The following SHISA9 variants were observed in gnomAD, a reference collection of about 807,000 sequenced individuals.
SHISA9 encodes shisa family member 9, also known as protein shisa-9.
Under a neutral mutation model 38.0 loss-of-function variants are expected in SHISA9, and 13 were observed. The observed-to-expected ratio is 0.34, with a 90% CI of 0.22 to 0.54. The LOEUF (loss-of-function observed/expected upper bound fraction) is 0.54, where lower values mean the gene tolerates loss of function less well. SHISA9 is among the 20% of genes least tolerant of loss of function. The probability of loss-of-function intolerance (pLI) is 0.91; values close to 1 mark genes in which losing one functional copy is unlikely to be tolerated. For synonymous variants in SHISA9, 275 were observed against 242.0 expected (o/e 1.14, Z -1.27); for missense variants, 538 against 575.8 (o/e 0.93, Z 0.67).
chr16:13,492,550 T>A, the SHISA9 span, among the ~76,000 whole-genome samples: 1 of 152,140 alleles, frequency 6.6e-6, no homozygotes, highest in Non-Finnish European at 1.5e-5. Context: ...TGAGGTCTTG[T>A]CTGTTTGAAG....
intron 2 of SHISA9, among the ~76,000 whole-genome samples, chr16:13,072,567 A>C (rs1030109849): frequency 6.6e-6 from 1 of 152,212 alleles, no homozygotes; most frequent in Non-Finnish European, 1.5e-5. Context: ...AGCAGCTCCT[A>C]CGCTTGCATG....
chr16:13,427,035 G>A, the SHISA9 span, among the ~76,000 whole-genome samples: 2 of 152,168 alleles, frequency 1.3e-5, no homozygotes, highest in Admixed American at 6.5e-5. Context: ...TTGCTGCTCT[G>A]GGACCAGGCT....
At chr16:13,302,938 G>A in the SHISA9 span, among the ~76,000 whole-genome samples, 14 of 152,228 alleles carry the variant, frequency 9.2e-5, no homozygotes, top group South Asian at 2.5e-3. Context: ...ACCTGTTGCC[G>A]TGTAAGACGT....
Position 13,019,488 on chromosome 16 carries a change from TTATTGTGGTTAACTATACA to T in SHISA9, c.691+102676_691+102694del, listed in dbSNP as rs552735212. Among the ~76,000 whole-genome samples, 367 of 152,258 alleles carry T rather than the reference TTATTGTGGTTAACTATACA, an allele frequency of 2.4e-3. 2 individuals are homozygous for T. Among genetic ancestry groups the T allele is most frequent in the African/African-American group, 8.2e-3 (339 of 41,552 alleles). On this transcript the variant is annotated intron_variant, in intron 2 of 4. Transcript: ENST00000558583. ...TTTTTTCAGATTTTTAAAAAAATTA[TTATTGTGGTTAACTATACA>T]TAATCACAAAGTCTCTGATTTTAGC...
chr16:13,361,352 A>G, the SHISA9 span, among the ~76,000 whole-genome samples: 1 of 152,166 alleles, frequency 6.6e-6, no homozygotes, highest in Admixed American at 6.5e-5. Flanking sequence ...TAAGCCGGAA[A>G]CCTGGATGCA....
chr16:12,959,843 G>T (rs77338237), intron 2 of SHISA9, among the ~76,000 whole-genome samples: 2,827 of 152,192 alleles, frequency 0.019, 92 homozygotes, highest in African/African-American at 0.065. Context: ...AACAGTTTCC[G>T]CACTCTACAT....
At chr16:13,049,652 C>G (rs1378480780) in intron 2 of SHISA9, among the ~76,000 whole-genome samples, 3 of 152,140 alleles carry the variant, frequency 2.0e-5, no homozygotes, top group Admixed American at 2.0e-4. Flanking sequence ...TAAATCTTCT[C>G]TGTCAAAAGG....
At chr16:13,075,891 C>G (rs1462784249) in intron 2 of SHISA9, among the ~76,000 whole-genome samples, 1 of 152,056 alleles carries the variant, frequency 6.6e-6, no homozygotes. Context: ...CCTGTGCATT[C>G]TAGGGTGTTT....
intron 2 of SHISA9, among the ~76,000 whole-genome samples, chr16:12,962,929 T>A (rs765574080): frequency 2.6e-5 from 4 of 152,144 alleles, no homozygotes; most frequent in Non-Finnish European, 4.4e-5. Context: ...ATTCTTTTAG[T>A]CCAGTACCCT....
At chr16:13,212,114 G>GTAATCATT (rs2051126321) in intron 3 of SHISA9, among the ~76,000 whole-genome samples, 34 of 152,324 alleles carry the variant, frequency 2.2e-4, no homozygotes, top group African/African-American at 7.2e-4. Flanking sequence ...TTTAAATGGG[G>GTAATCATT]CCGGATCTGT....
At chr16:12,976,985 C>G (rs1476494243) in intron 2 of SHISA9, among the ~76,000 whole-genome samples, 1 of 152,130 alleles carries the variant, frequency 6.6e-6, no homozygotes. Context: ...ACATTGTAAG[C>G]TTGAGAGACA....
the SHISA9 span, among the ~76,000 whole-genome samples, chr16:13,368,592 G>A: frequency 1.3e-5 from 2 of 151,944 alleles, no homozygotes; most frequent in East Asian, 1.9e-4. Context: ...TTTAAAAGAC[G>A]TATCCAGCTG....
the SHISA9 span, among the ~76,000 whole-genome samples, chr16:13,530,862 C>G: frequency 6.6e-6 from 1 of 152,150 alleles, no homozygotes; most frequent in Non-Finnish European, 1.5e-5. Context: ...TGTGACACAA[C>G]TTTAGCCAAT....
chr16:12,940,420 C>T (rs1375442545), intron 2 of SHISA9, among the ~76,000 whole-genome samples: 2 of 145,640 alleles, frequency 1.4e-5, no homozygotes, highest in African/African-American at 5.1e-5. Flanking sequence ...TTCCTAGTCC[C>T]CCCATAAATG....
At chr16:13,474,490 G>A in the SHISA9 span, 1 of 152,188 alleles carries the variant, frequency 6.6e-6, no homozygotes, top group Non-Finnish European at 1.5e-5. Context: ...TGCAGGGATT[G>A]ATATATTTAT....
chr16:13,057,004 G>A (rs1197725920), intron 2 of SHISA9, among the ~76,000 whole-genome samples: 2 of 152,156 alleles, frequency 1.3e-5, no homozygotes, highest in Admixed American at 1.3e-4. Flanking sequence ...GCTAGCAAAG[G>A]GGAGTATGGG....
intron 2 of SHISA9, among the ~76,000 whole-genome samples, chr16:13,167,200 G>A (rs2050645496): frequency 6.6e-6 from 1 of 151,566 alleles, no homozygotes; most frequent in African/African-American, 2.4e-5. Flanking sequence ...AGCCTCCTGA[G>A]TAGCTGGGAT....
intron 2 of SHISA9, among the ~76,000 whole-genome samples, chr16:12,996,419 C>T (rs1477552795): frequency 6.6e-6 from 1 of 152,170 alleles, no homozygotes; most frequent in African/African-American, 2.4e-5. Context: ...CACAGGCCCC[C>T]AGAACACCCT....
rs563495522 is a variant in SHISA9, at chr16:12,995,007, C to G, written c.691+78192C>G. Reference sequence around the variant, plus strand: ...TTTTTTATCGCATGTAAACAATATTCAAAGCCACAGGAGTGGATAAGCTTA... The same window carrying G: ...TTTTTTATCGCATGTAAACAATATTGAAAGCCACAGGAGTGGATAAGCTTA... On this transcript the variant is annotated intron_variant, in intron 2 of 4. Coordinates refer to ENST00000558583, the MANE Select transcript of SHISA9 (RefSeq NM_001145204.3). Among the ~76,000 whole-genome samples the G allele has an allele frequency of 7.8e-4, 119 of 151,880 alleles. 1 individual carries two copies. The highest frequency in any genetic ancestry group is 2.8e-3 in the African/African-American group (116 of 41,450).
Sources: gnomAD v4.1 joint callset for allele counts (sites outside exome capture counted in the v4.1 genomes callset) on GRCh38, gnomAD v4.1.1 for gene constraint, MANE v1.5 for transcripts, NCBI Gene and HGNC (gene_info 2026-07-23, HGNC 2026-07-21) for gene names.